Variants in DTWD2 observed in about 807,000 individuals in gnomAD.
DTWD2 encodes tRNA-uridine aminocarboxypropyltransferase 2.
Under a neutral mutation model 31.8 loss-of-function variants are expected in DTWD2, and 39 were observed. The ratio of observed to expected loss-of-function variants is 1.22; its 90% CI spans 0.95 to 1.60. The LOEUF (loss-of-function observed/expected upper bound fraction) is 1.60, where lower values mean the gene tolerates loss of function less well. Ranked by LOEUF, DTWD2 falls within the 40% of genes most tolerant of loss-of-function variation. DTWD2 has a pLI of 0.00. For synonymous variants in DTWD2, 180 were observed against 142.8 expected (o/e 1.26, Z -1.86); for missense variants, 515 against 381.5 (o/e 1.35, Z -2.92).
intron 4 of DTWD2, among the ~76,000 whole-genome samples, chr5:118,872,225 T>A (rs939478685): frequency 3.3e-5 from 5 of 152,214 alleles, no homozygotes; most frequent in Non-Finnish European, 5.9e-5. Context: ...TTTCTCCCTA[T>A]CAGCAATAAG....
intron 4 of DTWD2, among the ~76,000 whole-genome samples, chr5:118,923,612 T>C (rs750565850): frequency 5.9e-5 from 9 of 152,212 alleles, no homozygotes; most frequent in Non-Finnish European, 1.0e-4. Flanking sequence ...TACATTCTCT[T>C]TGACCTTCAG....
At chr5:118,923,045 A>G (rs1753737350) in intron 4 of DTWD2, among the ~76,000 whole-genome samples, 1 of 151,060 alleles carries the variant, frequency 6.6e-6, no homozygotes, top group Non-Finnish European at 1.5e-5. Context: ...TTTTTTTTTT[A>G]ATAGGCAATT....
intron 4 of DTWD2, among the ~76,000 whole-genome samples, chr5:118,870,516 T>C (rs1752478209): frequency 1.3e-5 from 2 of 152,204 alleles, no homozygotes; most frequent in Admixed American, 1.3e-4. Context: ...CCAGCACATA[T>C]AAAAGTTTTG....
intron 4 of DTWD2, among the ~76,000 whole-genome samples, chr5:118,926,950 T>A (rs1449005752): frequency 6.6e-6 from 1 of 152,208 alleles, no homozygotes; most frequent in African/African-American, 2.4e-5. Flanking sequence ...CTCACAGTTC[T>A]AGAAGCTGGG....
intron 4 of DTWD2, among the ~76,000 whole-genome samples, chr5:118,895,821 A>C (rs918911130): frequency 2.6e-5 from 4 of 152,162 alleles, no homozygotes; most frequent in African/African-American, 9.6e-5. Context: ...ATGCAGAAGG[A>C]TAGAACTATT....
At chr5:118,851,707 G>C (rs1442908850) in intron 4 of DTWD2, among the ~76,000 whole-genome samples, 1 of 109,550 alleles carries the variant, frequency 9.1e-6, no homozygotes, top group South Asian at 3.7e-4. Flanking sequence ...GGGGAGGGGG[G>C]AGGGATAGCA....
chr5:118,972,192 T>C (rs771924318), intron 1 of DTWD2, among the ~76,000 whole-genome samples: 1 of 152,004 alleles, frequency 6.6e-6, no homozygotes, highest in East Asian at 1.9e-4. Flanking sequence ...AGCTGGGTTT[T>C]TGGAGAAAAA....
At chr5:118,955,351 C>A (rs990040132) in intron 1 of DTWD2, among the ~76,000 whole-genome samples, 1 of 152,196 alleles carries the variant, frequency 6.6e-6, no homozygotes, top group Admixed American at 6.5e-5. Flanking sequence ...TCCTCCCCGA[C>A]AATGCTCTGC....
chr5:118,934,560 C>T (rs750003981), intron 3 of DTWD2, among the ~76,000 whole-genome samples: 1 of 151,774 alleles, frequency 6.6e-6, no homozygotes, highest in Non-Finnish European at 1.5e-5. Flanking sequence ...CAAAGACTAA[C>T]CACAAAAGGC....
At chr5:118,940,954 G>A (rs1262796635) in intron 2 of DTWD2, among the ~76,000 whole-genome samples, 1 of 152,054 alleles carries the variant, frequency 6.6e-6, no homozygotes, top group Non-Finnish European at 1.5e-5. Flanking sequence ...TTATTTTCTT[G>A]TAAAGCTTTC....
chr5:118,858,342 A>G (rs1034769675), intron 4 of DTWD2, among the ~76,000 whole-genome samples: 2 of 152,210 alleles, frequency 1.3e-5, no homozygotes, highest in African/African-American at 4.8e-5. Flanking sequence ...TATAATTTCA[A>G]TAAAAGCTTT....
chr5:118,916,691 A>T (rs538715888), intron 4 of DTWD2, among the ~76,000 whole-genome samples: 4 of 152,184 alleles, frequency 2.6e-5, no homozygotes, highest in African/African-American at 9.6e-5. Context: ...AGACATTAAA[A>T]GAAAGTAAAT....
chr5:118,951,723 T>C lies in DTWD2; in HGVS notation c.219-7074A>G, dbSNP rs527906112. Among the ~76,000 whole-genome samples, 5 of 151,916 alleles carry C rather than the reference T, an allele frequency of 3.3e-5. No homozygotes were observed. In the South Asian group the frequency reaches 8.3e-4, roughly 25 times the overall value. Reference sequence around the variant, plus strand: ...GGAATGGAGGGTGGAAGGTTGCCCATAGTGAAGGAAGCAAGCCCAGAGAAA... The same window carrying C: ...GGAATGGAGGGTGGAAGGTTGCCCACAGTGAAGGAAGCAAGCCCAGAGAAA... On this transcript the variant is annotated intron_variant, in intron 1 of 5. Coordinates refer to ENST00000510708, the MANE Select transcript of DTWD2 (RefSeq NM_173666.4).
At chr5:118,955,947 T>A (rs1357552990) in intron 1 of DTWD2, among the ~76,000 whole-genome samples, 1 of 152,188 alleles carries the variant, frequency 6.6e-6, no homozygotes, top group East Asian at 1.9e-4. Flanking sequence ...TATATAGATA[T>A]GAGAAATAAA....
At chr5:118,841,993 A>T (rs1419337779) in intron 5 of DTWD2, among the ~76,000 whole-genome samples, 1 of 152,190 alleles carries the variant, frequency 6.6e-6, no homozygotes, top group East Asian at 1.9e-4. Context: ...TTAACCCACA[A>T]AGAAAACCCC....
chr5:118,860,329 T>C (rs1485882388), intron 4 of DTWD2, among the ~76,000 whole-genome samples: 1 of 151,200 alleles, frequency 6.6e-6, no homozygotes, highest in African/African-American at 2.4e-5. Context: ...GCACTTTTCA[T>C]TTAAATTACT....
Position 118,871,641 on chromosome 5 carries a change from G to C in DTWD2, c.598-23423C>G, listed in dbSNP as rs190396044. Among the ~76,000 whole-genome samples the C allele has an allele frequency of 1.5e-4, 23 of 152,240 alleles. No homozygotes were observed. The East Asian group carries it at 3.7e-3, about 24-fold the overall frequency. ...TTCTCTGAGCAATAGGTGTCAAAAA[G>C]GAGCTAAAAATATTCAATAATCCAT... On this transcript the variant is annotated intron_variant, in intron 4 of 5. Coordinates refer to ENST00000510708, the MANE Select transcript of DTWD2 (RefSeq NM_173666.4).
intron 1 of DTWD2, among the ~76,000 whole-genome samples, chr5:118,982,790 G>C (rs552939508): frequency 3.4e-5 from 5 of 148,432 alleles, no homozygotes; most frequent in South Asian, 4.3e-4. Flanking sequence ...CCAAGTTCAA[G>C]CGATTCTCCT....
At chr5:118,939,963 A>G (rs1380487520) in intron 2 of DTWD2, among the ~76,000 whole-genome samples, 1 of 152,224 alleles carries the variant, frequency 6.6e-6, no homozygotes, top group Non-Finnish European at 1.5e-5. Flanking sequence ...AATCTTCCTT[A>G]CAAAAGAATT....
Sources: allele counts gnomAD v4.1 joint callset (sites outside exome capture counted in the v4.1 genomes callset), GRCh38; gene constraint gnomAD v4.1.1; transcripts MANE v1.5; gene names NCBI Gene and HGNC (gene_info 2026-07-23, HGNC 2026-07-21).